Variants in PIBF1 observed in about 807,000 individuals in gnomAD.
The protein encoded by PIBF1 is progesterone-induced-blocking factor 1.
PIBF1 carries 90 observed loss-of-function variants against 112.5 expected under a neutral mutation model. The observed-to-expected ratio is 0.80, with a 90% CI of 0.67 to 0.95. The LOEUF (loss-of-function observed/expected upper bound fraction) is 0.95, where lower values mean the gene tolerates loss of function less well. Ranked by LOEUF, PIBF1 falls within the 40% of genes least tolerant of loss-of-function variation. The pLI, the probability that PIBF1 is intolerant of heterozygous loss-of-function variation, is 0.00. For missense variants in PIBF1, 915 were observed against 852.3 expected (o/e 1.07, Z -0.92); for synonymous variants, 301 against 288.6 (o/e 1.04, Z -0.44).
rs146175347 is a variant in PIBF1 at position 72,990,011 on chromosome 13, C to T, written c.2050-8811C>T. 7.6e-3 allele frequency among the ~76,000 whole-genome samples: 1,158 copies of T among 151,776 alleles called. 14 individuals are homozygous for T. The highest frequency in any genetic ancestry group is 0.014 in the Middle Eastern group (4 of 294). On this transcript the variant is annotated intron_variant, in intron 16 of 17. Transcript: ENST00000326291. Reference sequence around the variant, plus strand: ...GGTGGATCACTTGAGGTCAGGAGTTCGAGATCAGACTGGCCAATATGGTGA... The same window carrying T: ...GGTGGATCACTTGAGGTCAGGAGTTTGAGATCAGACTGGCCAATATGGTGA...
intron 12 of PIBF1, among the ~76,000 whole-genome samples, chr13:72,913,544 A>G (rs1278958760): frequency 6.6e-6 from 1 of 152,150 alleles, no homozygotes; most frequent in Non-Finnish European, 1.5e-5. Flanking sequence ...TTGGGAGACC[A>G]AGGCAGGACG....
intron 14 of PIBF1, among the ~76,000 whole-genome samples, chr13:72,945,160 T>C (rs570906189): frequency 1.3e-5 from 2 of 152,344 alleles, no homozygotes; most frequent in African/African-American, 4.8e-5. Context: ...GCTTTCTGTT[T>C]GTGCATTAAA....
At chr13:72,831,886 G>A (rs1332490833) in intron 8 of PIBF1, among the ~76,000 whole-genome samples, 1 of 151,998 alleles carries the variant, frequency 6.6e-6, no homozygotes, top group Admixed American at 6.6e-5. Flanking sequence ...GTCTAAGTCT[G>A]TTTGTAGGTC....
chr13:72,799,910 T>C (rs1868829115), intron 5 of PIBF1, among the ~76,000 whole-genome samples: 1 of 152,192 alleles, frequency 6.6e-6, no homozygotes, highest in African/African-American at 2.4e-5. Context: ...TGAACACAGA[T>C]TCCTCAGGCC....
At chr13:72,981,829 C>T (rs2043165030) in intron 16 of PIBF1, among the ~76,000 whole-genome samples, 1 of 152,162 alleles carries the variant, frequency 6.6e-6, no homozygotes, top group Admixed American at 6.6e-5. Flanking sequence ...GTTCAACTCT[C>T]TCATTAAATT....
At chr13:72,839,683 G>T (rs778840122) in intron 9 of PIBF1, among the ~76,000 whole-genome samples, 1 of 152,056 alleles carries the variant, frequency 6.6e-6, no homozygotes, top group Non-Finnish European at 1.5e-5. Flanking sequence ...ATAAACTTTG[G>T]TATGTAATCA....
intron 9 of PIBF1, among the ~76,000 whole-genome samples, chr13:72,844,580 A>C (rs1433965300): frequency 1.3e-5 from 2 of 152,058 alleles, no homozygotes; most frequent in East Asian, 3.8e-4. Flanking sequence ...GAGTGAGAAC[A>C]TTCAGTGTTT....
chr13:72,949,279 A>G (rs895491181), intron 14 of PIBF1, among the ~76,000 whole-genome samples: 1 of 135,920 alleles, frequency 7.4e-6, no homozygotes, highest in East Asian at 2.2e-4. Context: ...AAATGTAACT[A>G]CTACCTAGAC....
intron 14 of PIBF1, among the ~76,000 whole-genome samples, chr13:72,936,736 A>G (rs1406343601): frequency 6.6e-6 from 1 of 151,848 alleles, no homozygotes. Flanking sequence ...AATGCTGTTC[A>G]TTTTCAAAGT....
At chr13:72,982,484 C>T (rs1322679698) in intron 16 of PIBF1, among the ~76,000 whole-genome samples, 1 of 151,966 alleles carries the variant, frequency 6.6e-6, no homozygotes. Flanking sequence ...TCCTTTGAAG[C>T]CCTCCCTACC....
chr13:72,996,087 CG>C (rs33958342), intron 16 of PIBF1, among the ~76,000 whole-genome samples: 846 of 9,768 alleles, frequency 0.087, 66 homozygotes, highest in African/African-American at 0.17. Context: ...AAAAAAAAAG[CG>C]GGGGGGGGGG....
intron 11 of PIBF1, among the ~76,000 whole-genome samples, chr13:72,895,111 A>G (rs932790825): frequency 2.0e-5 from 3 of 152,046 alleles, no homozygotes; most frequent in African/African-American, 7.2e-5. Context: ...CAACAGAGCA[A>G]GACTACATCA....
intron 14 of PIBF1, among the ~76,000 whole-genome samples, chr13:72,944,171 G>A (rs1038261805): frequency 3.3e-5 from 5 of 152,176 alleles, no homozygotes; most frequent in African/African-American, 1.2e-4. Context: ...AATAAGCCGG[G>A]TGTGGTGGCT....
chr13:72,862,158 A>G (rs1414497544), intron 10 of PIBF1, among the ~76,000 whole-genome samples: 3 of 152,362 alleles, frequency 2.0e-5, no homozygotes, highest in Admixed American at 6.5e-5. Context: ...GAAATAAGGA[A>G]TCTGCAATTT....
rs1176079981 is a variant in PIBF1, at chr13:73,010,810, C to CTTTT, written c.2224-5032_2224-5029dup. 5.2e-3 allele frequency among the ~76,000 whole-genome samples: 210 copies of CTTTT among 40,298 alleles called. 8 individuals are homozygous for CTTTT. The highest frequency in any genetic ancestry group is 9.7e-3 in the East Asian group (10 of 1,036). 26.4% of individuals were successfully genotyped at this position (40,298 alleles called of 152,430 possible). Reference sequence around the variant, plus strand: ...CTGAGCTGGAAAATCATTAACTTTTCTTTTTTTTTTTTTTTTTTTTTTTTT... The same window carrying CTTTT: ...CTGAGCTGGAAAATCATTAACTTTTCTTTTTTTTTTTTTTTTTTTTTTTTTTTTT... On this transcript the variant is annotated intron_variant, in intron 17 of 17. Transcript: ENST00000326291.
chr13:72,996,092 G>T (rs1214878839), intron 16 of PIBF1, among the ~76,000 whole-genome samples: 2 of 121,932 alleles, frequency 1.6e-5, no homozygotes, highest in Admixed American at 8.6e-5. Context: ...AAAAGCGGGG[G>T]GGGGGGGTCA....
intron 8 of PIBF1, among the ~76,000 whole-genome samples, chr13:72,829,194 A>C (rs1566325225): frequency 2.0e-5 from 3 of 152,118 alleles, no homozygotes; most frequent in Admixed American, 2.0e-4. Flanking sequence ...TGTCAGATGG[A>C]TAGATTGCAA....
Position 72,928,283 on chromosome 13 carries a change from C to T in PIBF1, c.1731-2882C>T, listed in dbSNP as rs1285431748. Among the ~76,000 whole-genome samples the T allele has an allele frequency of 3.3e-5, 5 of 151,866 alleles. No homozygotes were observed. The East Asian group carries it at 9.7e-4, about 29-fold the overall frequency. Reference sequence around the variant, plus strand: ...TTGTACTATAAACTAGTAATCAAAGCACTGTAGAGTATATTTGTAAGCAAT... The same window carrying T: ...TTGTACTATAAACTAGTAATCAAAGTACTGTAGAGTATATTTGTAAGCAAT... On this transcript the variant is annotated intron_variant, in intron 13 of 17. Coordinates refer to ENST00000326291, the MANE Select transcript of PIBF1 (RefSeq NM_006346.4).
At position 72,863,565 on chromosome 13, in the gene PIBF1, G is replaced by A. The variant is rs141759144; in HGVS notation, c.1322+9410G>A. ...CCTAGCTGCTGAGGAGGCTGAGGCA[G>A]GAGAATGGCGTGAACCCAGGAAGCG... On this transcript the variant is annotated intron_variant, in intron 10 of 17. Coordinates refer to ENST00000326291, the MANE Select transcript of PIBF1 (RefSeq NM_006346.4). Among the ~76,000 whole-genome samples the A allele has an allele frequency of 3.2e-3, 489 of 151,732 alleles. 2 individuals are homozygous for A. The highest frequency in any genetic ancestry group is 4.8e-3 in the Non-Finnish European group (327 of 67,942).
Sources: gnomAD v4.1 joint callset for allele counts (sites outside exome capture counted in the v4.1 genomes callset) on GRCh38, gnomAD v4.1.1 for gene constraint, MANE v1.5 for transcripts, NCBI Gene and HGNC (gene_info 2026-07-23, HGNC 2026-07-21) for gene names.